Variants in DLG1 observed in about 807,000 individuals in gnomAD.
The protein encoded by DLG1 is disks large homolog 1.
A neutral mutation model predicts 123.4 loss-of-function variants in DLG1; 42 were observed. That is an observed-to-expected ratio of 0.34 (90% CI 0.27 to 0.44). The LOEUF is 0.44. DLG1 is among the 20% of genes least tolerant of loss of function. The pLI, the probability that DLG1 is intolerant of heterozygous loss-of-function variation, is 1.00. For synonymous variants in DLG1, 317 were observed against 356.2 expected, an observed-to-expected ratio of 0.89 and a Z score of 1.24; for missense variants, 942 against 1,082.6, an observed-to-expected ratio of 0.87 and a Z score of 1.82.
In DLG1 at chr3:197,044,611, A is replaced by G. The variant is rs1276323513; in HGVS notation, c.*12T>C. 1 of 1,567,946 alleles carries G rather than the reference A, an allele frequency of 6.4e-7. No individual in the cohort carries two copies. Among genetic ancestry groups the G allele is most frequent in the African/African-American group, 1.4e-5 (1 of 73,788 alleles). ...GGAATTGTGGAAAAGAGAAACAGAG[A>G]AACATGAGTTTTCATAGCTTTTCTT... is the stretch of plus-strand genomic sequence containing the variant. On this transcript the variant is annotated 3_prime_UTR_variant, in exon 25 of 25. Transcript: ENST00000667157.
Position 197,142,715 on chromosome 3 carries a change from T to C in DLG1, c.588+3A>G. On this transcript the variant is annotated splice_donor_region_variant and intron_variant, in intron 7 of 24. Coordinates refer to ENST00000667157, the MANE Select transcript of DLG1 (RefSeq NM_001366207.1). ...AACAACAGATTAAGATAATAGTTTTTACCCTTTCAAGTGTGATTTCTTCAT... is the reference window on the plus strand; with the variant it reads ...AACAACAGATTAAGATAATAGTTTTCACCCTTTCAAGTGTGATTTCTTCAT... The C allele has an allele frequency of 6.2e-7, 1 of 1,601,690 alleles. No homozygotes were observed. Among genetic ancestry groups the C allele is most frequent in the Non-Finnish European group, 8.5e-7 (1 of 1,173,152 alleles).
At chr3:197,127,998 A>G (rs984498887) in intron 11 of DLG1, among the ~76,000 whole-genome samples, 4 of 152,190 alleles carry the variant, frequency 2.6e-5, no homozygotes, top group African/African-American at 9.7e-5. Context: ...TAATAATGAT[A>G]GCCTTGATAC....
chr3:197,156,089 C>T (rs903406715), intron 5 of DLG1, among the ~76,000 whole-genome samples: 11 of 152,040 alleles, frequency 7.2e-5, no homozygotes, highest in South Asian at 2.1e-4. Context: ...ATTTAAGAAA[C>T]GAACGCATTA....
intron 4 of DLG1, among the ~76,000 whole-genome samples, chr3:197,213,701 A>G (rs752614727): frequency 6.6e-6 from 1 of 152,258 alleles, no homozygotes; most frequent in African/African-American, 2.4e-5. Context: ...AGAAAACTTC[A>G]AAATGCTACT....
chr3:197,080,058 T>C (rs1456023690), intron 17 of DLG1, among the ~76,000 whole-genome samples: 1 of 151,560 alleles, frequency 6.6e-6, no homozygotes, highest in South Asian at 2.1e-4. Context: ...ATAACATGTA[T>C]TCAGTTTGTT....
chr3:197,278,309 A>G (rs1383653691), intron 4 of DLG1, among the ~76,000 whole-genome samples: 2 of 149,494 alleles, frequency 1.3e-5, no homozygotes, highest in African/African-American at 2.5e-5. Context: ...AAAAAAAAAA[A>G]AAGAAATGAT....
At chr3:197,153,478 C>G (rs926220399) in intron 5 of DLG1, among the ~76,000 whole-genome samples, 2 of 152,144 alleles carry the variant, frequency 1.3e-5, no homozygotes, top group African/African-American at 4.8e-5. Context: ...CCACGGTGGG[C>G]AGAGAAAATT....
chr3:197,201,006 A>G (rs1246155670), intron 4 of DLG1, among the ~76,000 whole-genome samples: 1 of 152,234 alleles, frequency 6.6e-6, no homozygotes, highest in East Asian at 1.9e-4. Flanking sequence ...AGAGGAAAAA[A>G]CAAAAGGCAT....
chr3:197,140,077 A>G, intron 8 of DLG1, 63 bp downstream of exon 8: 1 of 1,567,212 alleles, frequency 6.4e-7, no homozygotes, highest in Non-Finnish European at 8.7e-7. Context: ...TCCCTTATCC[A>G]GTCTGCTTCA....
chr3:197,151,302 G>A (rs752972751), intron 5 of DLG1, among the ~76,000 whole-genome samples: 1 of 152,052 alleles, frequency 6.6e-6, no homozygotes, highest in Non-Finnish European at 1.5e-5. Context: ...TCCCTCTGCC[G>A]ATTTTTTACC....
At chr3:197,130,783 G>T in intron 10 of DLG1, 112 bp from the exon 11 acceptor site, 1 of 824,404 alleles carries the variant, frequency 1.2e-6, no homozygotes, top group Non-Finnish European at 1.8e-6. Flanking sequence ...GAAAATAAAG[G>T]TATGCCGAAA....
intron 10 of DLG1, among the ~76,000 whole-genome samples, chr3:197,134,014 T>C (rs1783915439): frequency 6.6e-6 from 1 of 152,174 alleles, no homozygotes; most frequent in Non-Finnish European, 1.5e-5. Flanking sequence ...CAAAGCCAGT[T>C]CTAGAGAAAC....
intron 4 of DLG1, among the ~76,000 whole-genome samples, chr3:197,254,460 A>G (rs538339722): frequency 7.2e-4 from 110 of 152,338 alleles, no homozygotes; most frequent in African/African-American, 2.5e-3. Flanking sequence ...AGGAAAGAAC[A>G]CTGCTTCGCT....
chr3:197,189,797 T>C (rs1410285492), intron 5 of DLG1, among the ~76,000 whole-genome samples: 1 of 152,110 alleles, frequency 6.6e-6, no homozygotes, highest in Non-Finnish European at 1.5e-5. Context: ...TAACAAAACG[T>C]GTCAGGAAAG....
At chr3:197,172,198 G>A (rs1408623325) in intron 5 of DLG1, among the ~76,000 whole-genome samples, 1 of 152,104 alleles carries the variant, frequency 6.6e-6, no homozygotes, top group Non-Finnish European at 1.5e-5. Context: ...TAATGCTGCA[G>A]TATAATGTAT....
intron 8 of DLG1, among the ~76,000 whole-genome samples, chr3:197,139,303 C>CA (rs1786729089): frequency 6.6e-6 from 1 of 152,084 alleles, no homozygotes; most frequent in African/African-American, 2.4e-5. Context: ...AAGTAAATGT[C>CA]TACATTTACA....
chr3:197,240,790 G>A (rs970865492), intron 4 of DLG1, among the ~76,000 whole-genome samples: 1 of 151,850 alleles, frequency 6.6e-6, no homozygotes, highest in Non-Finnish European at 1.5e-5. Flanking sequence ...ATTCATTAGA[G>A]GCTCTTGACA....
Position 197,297,192 on chromosome 3 carries a change from T to G in DLG1, c.13A>C (p.Lys5Gln). The change falls in exon 2 of 25, where the codon AAG becomes CAG. Residue 5 changes from lysine to glutamine, a missense_variant. Coordinates refer to ENST00000667157, the MANE Select transcript of DLG1 (RefSeq NM_001366207.1). MPVR[K>Q]QDTQRALHLL... Reference sequence around the variant, plus strand: ...TTACGGAATAAACTCTCACCTTGCTTCCGGACCGGCATTTTTCTCCAGAAT... The same window carrying G: ...TTACGGAATAAACTCTCACCTTGCTGCCGGACCGGCATTTTTCTCCAGAAT... The G allele has an allele frequency of 6.2e-7, 1 of 1,614,008 alleles. No individual in the cohort carries two copies. Among genetic ancestry groups the G allele is most frequent in the Non-Finnish European group, 8.5e-7 (1 of 1,180,000 alleles).
chr3:197,122,928 C>T (rs1401178822), intron 11 of DLG1, among the ~76,000 whole-genome samples: 7 of 152,028 alleles, frequency 4.6e-5, no homozygotes. Context: ...TACTTTACAT[C>T]AATATTTATT....
Sources: gnomAD v4.1 joint callset for allele counts (sites outside exome capture counted in the v4.1 genomes callset) on GRCh38, gnomAD v4.1.1 for gene constraint, MANE v1.5 for transcripts, NCBI Gene and HGNC (gene_info 2026-07-23, HGNC 2026-07-21) for gene names.